Variants in AFF1 observed in about 807,000 individuals in gnomAD.
AFF1 encodes the protein ALF transcription elongation factor 1.
A neutral mutation model predicts 121.7 loss-of-function variants in AFF1; 48 were observed. That is an observed-to-expected ratio of 0.39 (90% CI 0.31 to 0.50). AFF1 has a LOEUF of 0.50. Among genes scored for constraint, AFF1 ranks in the 20% least tolerant of loss-of-function variants. AFF1 has a pLI of 0.76. For missense variants in AFF1, 1,523 were observed against 1,511.7 expected (o/e 1.01, Z -0.12); for synonymous variants, 613 against 563.0 (o/e 1.09, Z -1.26).
At chr4:87,085,341 G>T (rs1723613168) in intron 5 of AFF1, among the ~76,000 whole-genome samples, 1 of 150,320 alleles carries the variant, frequency 6.7e-6, no homozygotes, top group South Asian at 2.1e-4. Context: ...TGAGGGTTTT[G>T]TGTATTTTTT....
intron 5 of AFF1, among the ~76,000 whole-genome samples, chr4:87,087,795 C>T (rs1027607527): frequency 2.0e-5 from 3 of 152,162 alleles, no homozygotes; most frequent in East Asian, 3.9e-4. Context: ...TCATAGATAC[C>T]ATTGAGATTC....
chr4:87,082,422 A>G (rs1340541051), intron 4 of AFF1, among the ~76,000 whole-genome samples: 1 of 152,170 alleles, frequency 6.6e-6, no homozygotes, highest in Non-Finnish European at 1.5e-5. Flanking sequence ...ATTCCAGTGG[A>G]TCCTGCCAGA....
At chr4:87,084,202 T>A in intron 5 of AFF1, 38 bp downstream of exon 5, 1 of 1,595,802 alleles carries the variant, frequency 6.3e-7, no homozygotes, top group Non-Finnish European at 8.6e-7. Context: ...TGAAGAAATA[T>A]TTAAGTAGGT....
intron 4 of AFF1, among the ~76,000 whole-genome samples, chr4:87,055,020 C>T (rs553165512): frequency 5.9e-4 from 90 of 152,270 alleles, no homozygotes; most frequent in African/African-American, 2.1e-3. Flanking sequence ...CTCTCTCACC[C>T]GGGCTGGAAT....
chr4:87,017,041 A>G (rs1002438183), intron 2 of AFF1, among the ~76,000 whole-genome samples: 5 of 150,996 alleles, frequency 3.3e-5, no homozygotes, highest in African/African-American at 1.2e-4. Flanking sequence ...TGCTGTGAAC[A>G]TTTACATACA....
chr4:87,030,605 G>T (rs148047606), intron 2 of AFF1, among the ~76,000 whole-genome samples: 1 of 151,978 alleles, frequency 6.6e-6, no homozygotes, highest in Non-Finnish European at 1.5e-5. Flanking sequence ...GAACAGTTTG[G>T]GGGTGGGAGT....
chr4:86,949,231 G>C (rs1388451006), intron 2 of AFF1, among the ~76,000 whole-genome samples: 2 of 147,996 alleles, frequency 1.4e-5, no homozygotes, highest in Non-Finnish European at 3.0e-5. Flanking sequence ...CTGGAGTGCA[G>C]TGGTGTGACC....
intron 4 of AFF1, among the ~76,000 whole-genome samples, chr4:87,068,851 G>A (rs1221316051): frequency 6.6e-6 from 1 of 152,168 alleles, no homozygotes; most frequent in Non-Finnish European, 1.5e-5. Context: ...TAGTGGCACC[G>A]ATTAGGGCTG....
chr4:86,970,535 A>G (rs1722870317), intron 2 of AFF1, among the ~76,000 whole-genome samples: 1 of 152,240 alleles, frequency 6.6e-6, no homozygotes, highest in Non-Finnish European at 1.5e-5. Context: ...AGGATGCAGT[A>G]GCAAAACAAG....
At chr4:87,084,251 G>A in intron 5 of AFF1, 87 bp downstream of exon 5, 1 of 1,446,988 alleles carries the variant, frequency 6.9e-7, no homozygotes, top group Non-Finnish European at 9.7e-7. Context: ...AAGAACAGTT[G>A]CCATTGGCTG....
rs527785303 is a variant in AFF1, at chr4:86,949,521, AATT to A, written c.38+966_38+968del. 206 of 236,526 alleles carry A rather than the reference AATT, an allele frequency of 8.7e-4. 1 individual carries two copies. The highest frequency in any genetic ancestry group is 6.9e-3 in the South Asian group (98 of 14,162). 14.7% of individuals were successfully genotyped at this position (236,526 alleles called of 1,614,324 possible). On this transcript the variant is annotated intron_variant, in intron 2 of 20. Transcript: ENST00000395146. ...ACTTTTATCATAATTTCTATTTATTAATTATTATTATTATTATTTTTTTTTTTT... is the reference window on the plus strand; with the variant it reads ...ACTTTTATCATAATTTCTATTTATTAATTATTATTATTATTTTTTTTTTTT...
chr4:87,018,754 C>T (rs1345781730), intron 2 of AFF1, among the ~76,000 whole-genome samples: 9 of 152,186 alleles, frequency 5.9e-5, no homozygotes, highest in Admixed American at 1.3e-4. Flanking sequence ...AAAGTGAGTA[C>T]CATAACAACC....
Position 86,961,858 on chromosome 4 carries a change from G to C in AFF1, c.38+13287G>C, listed in dbSNP as rs74375902. On this transcript the variant is annotated intron_variant, in intron 2 of 20. Transcript: ENST00000395146. ...ATCAACCTCTCAACGGTTAGAAGTT[G>C]TAGCAGTTCTCGTTTTAGATTATCT... is the stretch of plus-strand genomic sequence containing the variant. 3.9e-3 allele frequency among the ~76,000 whole-genome samples: 592 copies of C among 152,180 alleles called. 3 individuals carry two copies. Among genetic ancestry groups the C allele is most frequent in the African/African-American group, 0.013 (557 of 41,522 alleles).
intron 2 of AFF1, among the ~76,000 whole-genome samples, chr4:87,042,453 T>G (rs1730256442): frequency 6.6e-6 from 1 of 152,196 alleles, no homozygotes; most frequent in African/African-American, 2.4e-5. Context: ...CCCAGGAGCT[T>G]TTGTGAGTTC....
At chr4:87,036,484 AAT>A (rs1017078056) in intron 2 of AFF1, among the ~76,000 whole-genome samples, 25 of 152,042 alleles carry the variant, frequency 1.6e-4, no homozygotes, top group African/African-American at 5.8e-4. Context: ...TTATTTTTAA[AAT>A]ATGTTTGGAA....
chr4:87,004,837 A>G (rs1335858379), intron 2 of AFF1, among the ~76,000 whole-genome samples: 2 of 152,194 alleles, frequency 1.3e-5, no homozygotes, highest in Non-Finnish European at 2.9e-5. Flanking sequence ...GAGGATGAGT[A>G]TTTTTAATAC....
intron 2 of AFF1, among the ~76,000 whole-genome samples, chr4:87,005,290 G>A (rs888878653): frequency 2.6e-5 from 4 of 152,198 alleles, no homozygotes; most frequent in Non-Finnish European, 4.4e-5. Flanking sequence ...ACCCATGTAT[G>A]ATTCTGTTAT....
chr4:87,126,900 A>T, intron 14 of AFF1, 126 bp from the exon 15 acceptor site: 1 of 780,874 alleles, frequency 1.3e-6, no homozygotes. Flanking sequence ...GCCAGGGTAG[A>T]TTGTGCATTG....
At chr4:87,116,557 G>GA (rs1727140871) in intron 12 of AFF1, among the ~76,000 whole-genome samples, 2 of 152,192 alleles carry the variant, frequency 1.3e-5, no homozygotes, top group South Asian at 4.1e-4. Flanking sequence ...AATAACAAAG[G>GA]AAAAAAAGAT....
Sources: gnomAD v4.1 joint callset for allele counts (sites outside exome capture counted in the v4.1 genomes callset) on GRCh38, gnomAD v4.1.1 for gene constraint, MANE v1.5 for transcripts, NCBI Gene and HGNC (gene_info 2026-07-23, HGNC 2026-07-21) for gene names.